APBA1: variants seen among roughly 807,000 people sequenced by gnomAD.
APBA1 encodes the protein amyloid beta precursor protein binding family A member 1.
APBA1 carries 55 observed loss-of-function variants against 86.6 expected under a neutral mutation model. The ratio of observed to expected loss-of-function variants is 0.64; its 90% CI spans 0.51 to 0.80. The LOEUF (loss-of-function observed/expected upper bound fraction) is 0.80, where lower values mean the gene tolerates loss of function less well. APBA1 is among the 30% of genes least tolerant of loss of function. The pLI, the probability that APBA1 is intolerant of heterozygous loss-of-function variation, is 0.00. For missense variants in APBA1, 1,090 were observed against 1,183.0 expected (o/e 0.92, Z 1.15); for synonymous variants, 511 against 493.9 (o/e 1.03, Z -0.46).
At chr9:69,567,307 G>A (rs1837042470) in intron 1 of APBA1, among the ~76,000 whole-genome samples, 2 of 152,262 alleles carry the variant, frequency 1.3e-5, no homozygotes, top group South Asian at 4.2e-4. Flanking sequence ...AAGGATGGGA[G>A]AGGTTCTTCA....
intron 1 of APBA1, among the ~76,000 whole-genome samples, chr9:69,620,429 C>A (rs1466240930): frequency 6.6e-6 from 1 of 152,018 alleles, no homozygotes; most frequent in Non-Finnish European, 1.5e-5. Flanking sequence ...ACCTGTAATC[C>A]CAGCACTTTG....
chr9:69,584,221 G>C (rs547054334), intron 1 of APBA1, among the ~76,000 whole-genome samples: 2 of 151,076 alleles, frequency 1.3e-5, no homozygotes, highest in Non-Finnish European at 3.0e-5. Flanking sequence ...GTACATCTCC[G>C]TGTGTGTGTG....
intron 1 of APBA1, among the ~76,000 whole-genome samples, chr9:69,620,382 C>G (rs917211350): frequency 5.3e-5 from 8 of 152,176 alleles, no homozygotes; most frequent in Non-Finnish European, 8.8e-5. Flanking sequence ...GACTGATGGT[C>G]AGAGAGACAG....
intron 1 of APBA1, among the ~76,000 whole-genome samples, chr9:69,643,649 T>A (rs1823335276): frequency 2.6e-5 from 4 of 152,202 alleles, no homozygotes. Context: ...TATCACTTTA[T>A]AAAGCTTCAC....
intron 2 of APBA1, among the ~76,000 whole-genome samples, chr9:69,513,608 T>C (rs1406590079): frequency 6.6e-6 from 1 of 152,082 alleles, no homozygotes; most frequent in East Asian, 1.9e-4. Context: ...TACACGTGAG[T>C]GCACTTATTT....
intron 1 of APBA1, among the ~76,000 whole-genome samples, chr9:69,599,366 T>C (rs1473875108): frequency 6.6e-6 from 1 of 152,236 alleles, no homozygotes; most frequent in South Asian, 2.1e-4. Context: ...CATTTCTTAT[T>C]ACTCATTCAC....
chr9:69,491,428 G>A (rs1835708463), intron 2 of APBA1, among the ~76,000 whole-genome samples: 1 of 151,888 alleles, frequency 6.6e-6, no homozygotes, highest in African/African-American at 2.4e-5. Context: ...ACATAGGAAG[G>A]GGAACATCAC....
intron 1 of APBA1, among the ~76,000 whole-genome samples, chr9:69,657,066 C>T (rs1053068073): frequency 6.6e-5 from 10 of 151,786 alleles, no homozygotes; most frequent in Admixed American, 4.6e-4. Flanking sequence ...AGGATGGTCT[C>T]GATCTCCTGA....
intron 2 of APBA1, among the ~76,000 whole-genome samples, chr9:69,498,417 T>C (rs763851548): frequency 2.6e-4 from 40 of 152,080 alleles, no homozygotes; most frequent in Non-Finnish European, 5.0e-4. Flanking sequence ...GGAGAGAAAC[T>C]GTGAGATAGT....
intron 2 of APBA1, among the ~76,000 whole-genome samples, chr9:69,515,004 T>G (rs1836112029): frequency 6.6e-6 from 1 of 152,192 alleles, no homozygotes; most frequent in Non-Finnish European, 1.5e-5. Context: ...CCATCCCAGA[T>G]CTTCAAGGGA....
chr9:69,586,042 T>C (rs1822013361), intron 1 of APBA1, among the ~76,000 whole-genome samples: 1 of 152,190 alleles, frequency 6.6e-6, no homozygotes, highest in Non-Finnish European at 1.5e-5. Context: ...GTCTGGCCCA[T>C]GGATTTTACT....
intron 2 of APBA1, among the ~76,000 whole-genome samples, chr9:69,497,992 T>C (rs767324183): frequency 1.3e-5 from 2 of 152,050 alleles, no homozygotes; most frequent in Non-Finnish European, 2.9e-5. Flanking sequence ...AGATACCAAA[T>C]GTGGAAGGCA....
At chr9:69,482,075 T>C (rs1835520219) in intron 2 of APBA1, among the ~76,000 whole-genome samples, 1 of 151,444 alleles carries the variant, frequency 6.6e-6, no homozygotes, top group Non-Finnish European at 1.5e-5. Flanking sequence ...GGACTTCATG[T>C]CCAAAACACC....
chr9:69,489,167 C>T (rs887808996), intron 2 of APBA1, among the ~76,000 whole-genome samples: 1 of 152,048 alleles, frequency 6.6e-6, no homozygotes, highest in Admixed American at 6.5e-5. Flanking sequence ...GCCCGCATTG[C>T]CAAGATAATC....
intron 1 of APBA1, among the ~76,000 whole-genome samples, chr9:69,631,319 T>A (rs941315990): frequency 6.6e-6 from 1 of 152,198 alleles, no homozygotes; most frequent in Non-Finnish European, 1.5e-5. Flanking sequence ...TCATCATCAC[T>A]GGCCATCAGA....
At chr9:69,446,274 A>G (rs1266915670) in intron 10 of APBA1, among the ~76,000 whole-genome samples, 2 of 151,916 alleles carry the variant, frequency 1.3e-5, no homozygotes, top group African/African-American at 4.8e-5. Context: ...AGGGTGGTCC[A>G]CGGACGGACC....
chr9:69,460,055 A>G (rs1835164752), intron 5 of APBA1, among the ~76,000 whole-genome samples: 5 of 152,186 alleles, frequency 3.3e-5, no homozygotes, highest in Admixed American at 2.6e-4. Flanking sequence ...CTGGGTACTC[A>G]CCTGGTAGAA....
chr9:69,636,987 A>ATAG (rs1823192413), intron 1 of APBA1, among the ~76,000 whole-genome samples: 12 of 96,338 alleles, frequency 1.2e-4, no homozygotes, highest in Non-Finnish European at 2.8e-4. Flanking sequence ...AAGAAAGAAA[A>ATAG]ATGTGATACA....
At chr9:69,658,866 G>A (rs1823696167) in intron 1 of APBA1, among the ~76,000 whole-genome samples, 3 of 152,106 alleles carry the variant, frequency 2.0e-5, no homozygotes, top group Admixed American at 2.0e-4. Context: ...AAGACTGACA[G>A]GTATGGAGTA....
Sources: gnomAD v4.1 joint callset for allele counts (sites outside exome capture counted in the v4.1 genomes callset) on GRCh38, gnomAD v4.1.1 for gene constraint, MANE v1.5 for transcripts, NCBI Gene and HGNC (gene_info 2026-07-23, HGNC 2026-07-21) for gene names.